Variants in ESRRG observed in about 807,000 individuals in gnomAD.
ESRRG encodes estrogen related receptor gamma, also known as estrogen-related receptor gamma.
ESRRG carries 13 observed loss-of-function variants against 44.0 expected under a neutral mutation model. The ratio of observed to expected loss-of-function variants is 0.30; its 90% CI spans 0.19 to 0.47. The LOEUF (loss-of-function observed/expected upper bound fraction) is 0.47, where lower values mean the gene tolerates loss of function less well. Ranked by LOEUF, ESRRG falls within the 20% of genes least tolerant of loss-of-function variation. The probability of loss-of-function intolerance (pLI) is 1.00; values close to 1 mark genes in which losing one functional copy is unlikely to be tolerated. For missense variants in ESRRG, 395 were observed against 580.6 expected, an observed-to-expected ratio of 0.68 and a Z score of 3.29; for synonymous variants, 215 against 214.6, an observed-to-expected ratio of 1.00 and a Z score of -0.02.
chr1:216,772,362 C>A (rs369177609), intron 2 of ESRRG, among the ~76,000 whole-genome samples: 1 of 152,052 alleles, frequency 6.6e-6, no homozygotes, highest in Non-Finnish European at 1.5e-5. Flanking sequence ...CTCTAACATC[C>A]CAGAATTCAG....
intron 1 of ESRRG, among the ~76,000 whole-genome samples, chr1:217,055,568 G>C (rs2086912267): frequency 6.6e-6 from 1 of 152,086 alleles, no homozygotes; most frequent in Non-Finnish European, 1.5e-5. Context: ...CCCAAAACCA[G>C]GGCTTCAACC....
chr1:217,023,055 A>T (rs1191803047), intron 1 of ESRRG, among the ~76,000 whole-genome samples: 1 of 152,170 alleles, frequency 6.6e-6, no homozygotes, highest in Non-Finnish European at 1.5e-5. Context: ...TCTTTTATCA[A>T]ACCATTACTT....
chr1:216,700,403 T>A (rs2151857415), intron 1 of ESRRG, among the ~76,000 whole-genome samples: 1 of 152,354 alleles, frequency 6.6e-6, no homozygotes, highest in South Asian at 2.1e-4. Context: ...CACCACAGGA[T>A]GATAAAATCA....
chr1:217,083,921 C>T (rs533527672), intron 1 of ESRRG, among the ~76,000 whole-genome samples: 1 of 152,214 alleles, frequency 6.6e-6, no homozygotes, highest in South Asian at 2.1e-4. Context: ...TGTTTGAAAA[C>T]ATACAGGGCA....
intron 3 of ESRRG, among the ~76,000 whole-genome samples, chr1:216,611,049 A>C (rs1235725246): frequency 6.6e-6 from 1 of 151,928 alleles, no homozygotes; most frequent in African/African-American, 2.4e-5. Flanking sequence ...CTAAAAATAC[A>C]AAAATTAGCT....
chr1:217,094,661 G>A (rs1396645787), intron 1 of ESRRG, among the ~76,000 whole-genome samples: 1 of 152,240 alleles, frequency 6.6e-6, no homozygotes, highest in Non-Finnish European at 1.5e-5. Flanking sequence ...CAGAGCATGT[G>A]GAGACAAGAT....
chr1:216,707,259 T>C, intron 1 of ESRRG: 1 of 1,318,954 alleles, frequency 7.6e-7, no homozygotes, highest in Non-Finnish European at 1.0e-6. Context: ...CATTAATCAG[T>C]CTAAAAAAAT....
chr1:217,122,397 T>C (rs770481508), intron 1 of ESRRG, among the ~76,000 whole-genome samples: 3 of 152,178 alleles, frequency 2.0e-5, no homozygotes, highest in African/African-American at 7.2e-5. Flanking sequence ...CTATTAGTTA[T>C]GTGATTTTGA....
chr1:216,846,628 A>C (rs544580042), intron 2 of ESRRG, among the ~76,000 whole-genome samples: 4 of 152,184 alleles, frequency 2.6e-5, no homozygotes, highest in Non-Finnish European at 4.4e-5. Flanking sequence ...CAAGATGCAT[A>C]AAAGTGTAAT....
At chr1:216,698,076 G>A (rs550450564) in intron 1 of ESRRG, among the ~76,000 whole-genome samples, 83 of 152,218 alleles carry the variant, frequency 5.5e-4, no homozygotes, top group Non-Finnish European at 9.7e-4. Context: ...TTCCAGAAGG[G>A]AATTAGACAT....
intron 2 of ESRRG, among the ~76,000 whole-genome samples, chr1:216,923,420 C>T (rs1439735426): frequency 6.6e-6 from 1 of 151,966 alleles, no homozygotes; most frequent in Non-Finnish European, 1.5e-5. Flanking sequence ...CTGTGTCATT[C>T]GTTAAGCAAG....
At chr1:216,534,806 T>C (rs2050428621) in intron 5 of ESRRG, among the ~76,000 whole-genome samples, 1 of 152,120 alleles carries the variant, frequency 6.6e-6, no homozygotes, top group Non-Finnish European at 1.5e-5. Context: ...CAACTCTGCC[T>C]TTAGGTTGTG....
chr1:216,576,074 A>G (rs796226153), intron 3 of ESRRG, among the ~76,000 whole-genome samples: 5 of 152,032 alleles, frequency 3.3e-5, no homozygotes, highest in Non-Finnish European at 7.4e-5. Context: ...TCTTCACTGC[A>G]GATTAGACAA....
chr1:216,844,921 T>A (rs1385341949), intron 2 of ESRRG, among the ~76,000 whole-genome samples: 1 of 152,136 alleles, frequency 6.6e-6, no homozygotes, highest in Non-Finnish European at 1.5e-5. Context: ...ACAATTCAAA[T>A]ATTTATTTAG....
At chr1:216,659,101 A>G (rs984910836) in intron 2 of ESRRG, among the ~76,000 whole-genome samples, 1 of 152,216 alleles carries the variant, frequency 6.6e-6, no homozygotes, top group Non-Finnish European at 1.5e-5. Context: ...TGAAGATATT[A>G]AGATCATATA....
chr1:217,031,699 G>A (rs2082084710), intron 1 of ESRRG, among the ~76,000 whole-genome samples: 1 of 152,150 alleles, frequency 6.6e-6, no homozygotes, highest in South Asian at 2.1e-4. Flanking sequence ...GGAGCCAGTG[G>A]GAGATAACTG....
At chr1:216,809,102 A>G (rs1293493566) in intron 2 of ESRRG, among the ~76,000 whole-genome samples, 1 of 152,022 alleles carries the variant, frequency 6.6e-6, no homozygotes, top group Non-Finnish European at 1.5e-5. Context: ...TCTCATAGCA[A>G]CCCTGCAAGG....
intron 2 of ESRRG, among the ~76,000 whole-genome samples, chr1:216,768,599 C>T (rs557090781): frequency 1.4e-4 from 22 of 152,230 alleles, no homozygotes; most frequent in African/African-American, 4.6e-4. Context: ...AAGTGACCCT[C>T]TTGCCTCAGC....
chr1:217,118,940 C>T (rs146018743), intron 1 of ESRRG, among the ~76,000 whole-genome samples: 39 of 152,054 alleles, frequency 2.6e-4, no homozygotes, highest in African/African-American at 8.4e-4. Context: ...CTGAAGTGAG[C>T]CATGATCATG....
Sources: allele counts gnomAD v4.1 joint callset (sites outside exome capture counted in the v4.1 genomes callset), GRCh38; gene constraint gnomAD v4.1.1; transcripts MANE v1.5; gene names NCBI Gene and HGNC (gene_info 2026-07-23, HGNC 2026-07-21).